The following DGKG variants were observed in gnomAD, a reference collection of about 807,000 sequenced individuals.
The protein encoded by DGKG is DAG kinase gamma.
A neutral mutation model predicts 105.3 loss-of-function variants in DGKG; 78 were observed. That is an observed-to-expected ratio of 0.74 (90% CI 0.62 to 0.89). The LOEUF is 0.89. DGKG is among the 40% of genes least tolerant of loss of function. The pLI, the probability that DGKG is intolerant of heterozygous loss-of-function variation, is 0.00. For synonymous variants in DGKG, 346 were observed against 367.1 expected, an observed-to-expected ratio of 0.94 and a Z score of 0.66; for missense variants, 958 against 1,020.1, an observed-to-expected ratio of 0.94 and a Z score of 0.83.
At chr3:186,217,919 G>A (rs1719374600) in intron 20 of DGKG, among the ~76,000 whole-genome samples, 2 of 152,174 alleles carry the variant, frequency 1.3e-5, no homozygotes, top group East Asian at 1.9e-4. Context: ...TTGAAGTGAA[G>A]GTATTCCTCT....
At chr3:186,360,697 G>C (rs1236577408) in intron 1 of DGKG, among the ~76,000 whole-genome samples, 4 of 152,126 alleles carry the variant, frequency 2.6e-5, no homozygotes, top group Non-Finnish European at 5.9e-5. Context: ...CCAGCAAGTG[G>C]CTCTGCCAGC....
intron 2 of DGKG, among the ~76,000 whole-genome samples, chr3:186,315,685 A>T (rs1206278842): frequency 6.6e-6 from 1 of 152,202 alleles, no homozygotes; most frequent in East Asian, 1.9e-4. Flanking sequence ...AATCTCTGCA[A>T]CCGCTAACAG....
At chr3:186,181,857 C>A (rs1479454143) in intron 22 of DGKG, among the ~76,000 whole-genome samples, 1 of 152,224 alleles carries the variant, frequency 6.6e-6, no homozygotes, top group East Asian at 1.9e-4. Context: ...GTGTGGATAA[C>A]ACAGGCTCGA....
chr3:186,150,570 A>G (rs549781992), intron 24 of DGKG, among the ~76,000 whole-genome samples: 15 of 152,272 alleles, frequency 9.9e-5, no homozygotes, highest in African/African-American at 3.4e-4. Flanking sequence ...CAGCAGCACA[A>G]TTAGAGCCCA....
At chr3:186,178,203 C>G (rs2108492043) in intron 22 of DGKG, among the ~76,000 whole-genome samples, 1 of 152,318 alleles carries the variant, frequency 6.6e-6, no homozygotes, top group South Asian at 2.1e-4. Flanking sequence ...CCATGGTATT[C>G]TGTTACGGAA....
intron 1 of DGKG, among the ~76,000 whole-genome samples, chr3:186,338,588 A>G (rs1321744172): frequency 6.6e-6 from 1 of 152,262 alleles, no homozygotes; most frequent in African/African-American, 2.4e-5. Flanking sequence ...ATGAAATGTA[A>G]TCATGGTTAC....
intron 10 of DGKG, among the ~76,000 whole-genome samples, chr3:186,275,287 T>C (rs1478549402): frequency 6.6e-6 from 1 of 152,238 alleles, no homozygotes; most frequent in Non-Finnish European, 1.5e-5. Flanking sequence ...AAATTATTTG[T>C]GGACTTTAAT....
At chr3:186,267,377 C>T (rs765219661) in intron 13 of DGKG, among the ~76,000 whole-genome samples, 2 of 152,174 alleles carry the variant, frequency 1.3e-5, no homozygotes, top group Non-Finnish European at 2.9e-5. Flanking sequence ...TGACCTCTTT[C>T]AAGCACATAC....
intron 20 of DGKG, among the ~76,000 whole-genome samples, chr3:186,222,935 G>A (rs1396696395): frequency 6.8e-6 from 1 of 146,684 alleles, no homozygotes; most frequent in Admixed American, 7.1e-5. Context: ...ACTCCAGCCT[G>A]GGCGACAGAG....
rs1171634027 is a variant in DGKG at position 186,352,653 on chromosome 3, G to T, written c.-249+9293C>A. Among the ~76,000 whole-genome samples, 3 of 151,956 alleles carry T rather than the reference G, an allele frequency of 2.0e-5. No individual in the cohort carries two copies. The East Asian group carries it at 5.8e-4, about 29-fold the overall frequency. ...GTGTAGGAGCCTGGTGGCCACCTTT[G>T]GCTTCTCTGCCTCCCTCAGCCCCCT... is the stretch of plus-strand genomic sequence containing the variant. On this transcript the variant is annotated intron_variant, in intron 1 of 24. Coordinates refer to ENST00000265022, the MANE Select transcript of DGKG (RefSeq NM_001346.3).
At chr3:186,155,400 G>C (rs953872522) in intron 24 of DGKG, among the ~76,000 whole-genome samples, 1 of 152,046 alleles carries the variant, frequency 6.6e-6, no homozygotes, top group Non-Finnish European at 1.5e-5. Flanking sequence ...CACTATGTTG[G>C]CCAGGCTGGT....
chr3:186,304,282 G>C (rs1163877346), intron 3 of DGKG, among the ~76,000 whole-genome samples: 1 of 152,220 alleles, frequency 6.6e-6, no homozygotes, highest in African/African-American at 2.4e-5. Flanking sequence ...TTCTTTGCTG[G>C]CTCTGCTATC....
chr3:186,214,809 A>G (rs1719198851), intron 20 of DGKG, among the ~76,000 whole-genome samples: 1 of 152,256 alleles, frequency 6.6e-6, no homozygotes, highest in African/African-American at 2.4e-5. Flanking sequence ...AGAACAAAAT[A>G]GCATTCCTGG....
intron 1 of DGKG, among the ~76,000 whole-genome samples, chr3:186,354,869 A>G (rs1464332138): frequency 1.3e-5 from 2 of 152,164 alleles, no homozygotes; most frequent in Admixed American, 1.3e-4. Context: ...AACCCCAGGC[A>G]GGGCACTTAT....
At chr3:186,254,477 A>G (rs563077377) in intron 17 of DGKG, among the ~76,000 whole-genome samples, 21 of 152,146 alleles carry the variant, frequency 1.4e-4, no homozygotes, top group African/African-American at 4.8e-4. Flanking sequence ...CTTTGCCTAG[A>G]AGGCTCTTGT....
In DGKG at chr3:186,298,703, GTTC is replaced by G. The variant is rs370491811; in HGVS notation, c.145-477_145-475del. On this transcript the variant is annotated intron_variant, in intron 3 of 24. Coordinates refer to ENST00000265022, the MANE Select transcript of DGKG (RefSeq NM_001346.3). ...GTTGAAAATATGATGCAAAGAAATAGTTCTTCTGTGGTATCTTGGTTTCCCTCT... is the reference window on the plus strand; with the variant it reads ...GTTGAAAATATGATGCAAAGAAATAGTTCTGTGGTATCTTGGTTTCCCTCT... 3.0e-3 allele frequency among the ~76,000 whole-genome samples: 462 copies of G among 152,298 alleles called. 3 individuals carry two copies. The highest frequency in any genetic ancestry group is 0.01 in the African/African-American group (432 of 41,554).
At position 186,295,729 on chromosome 3, in the gene DGKG, G is replaced by C. The variant is rs987689520; in HGVS notation, c.373+1692C>G. 4.0e-5 allele frequency among the ~76,000 whole-genome samples: 6 copies of C among 150,504 alleles called. No individual in the cohort carries two copies. The East Asian group carries it at 7.8e-4, about 20-fold the overall frequency. On this transcript the variant is annotated intron_variant, in intron 5 of 24. Coordinates refer to ENST00000265022, the MANE Select transcript of DGKG (RefSeq NM_001346.3). ...CCTGGGAGAAAGAAAGCCCATGAGA[G>C]ACCTTTCATGGGAAGAGGATGCCCA...
At chr3:186,239,926 G>A (rs1478206193) in intron 20 of DGKG, among the ~76,000 whole-genome samples, 1 of 144,446 alleles carries the variant, frequency 6.9e-6, no homozygotes, top group Admixed American at 7.0e-5. Flanking sequence ...TCTGACGGAT[G>A]TGTCTTTCTA....
chr3:186,180,865 A>G (rs1222676930), intron 22 of DGKG, among the ~76,000 whole-genome samples: 1 of 152,210 alleles, frequency 6.6e-6, no homozygotes, highest in African/African-American at 2.4e-5. Context: ...ATTAGTGAGA[A>G]TCCACATGGG....
Sources: gnomAD v4.1 joint callset for allele counts (sites outside exome capture counted in the v4.1 genomes callset) on GRCh38, gnomAD v4.1.1 for gene constraint, MANE v1.5 for transcripts, NCBI Gene and HGNC (gene_info 2026-07-23, HGNC 2026-07-21) for gene names.